CDS2: variants seen among roughly 807,000 people sequenced by gnomAD.
The protein encoded by CDS2 is CDP-diacylglycerol synthase 2.
A neutral mutation model predicts 59.0 loss-of-function variants in CDS2; 47 were observed. That is an observed-to-expected ratio of 0.80 (90% confidence interval 0.63 to 1.02). CDS2 has a LOEUF of 1.02. Among genes scored for constraint, CDS2 ranks in the 50% least tolerant of loss-of-function variants. The pLI is 0.00. For synonymous variants in CDS2, 207 were observed against 206.4 expected, an observed-to-expected ratio of 1.00 and a Z score of -0.02; for missense variants, 356 against 558.9, an observed-to-expected ratio of 0.64 and a Z score of 3.66.
intron 1 of CDS2, among the ~76,000 whole-genome samples, chr20:5,147,997 C>T (rs1043642761): frequency 2.0e-5 from 3 of 152,104 alleles, no homozygotes; most frequent in Non-Finnish European, 2.9e-5. Context: ...CTCACTCTGT[C>T]GGCCAGGCTG....
rs1421523518 is a variant in CDS2 at position 5,190,720 on chromosome 20, C to T, written c.*486C>T. ...CCTGCTTGGAGCTGCAGAAGGGTTGCCTTCTGTAGGTCGGAGGAATGGAGG... is the reference window on the plus strand; with the variant it reads ...CCTGCTTGGAGCTGCAGAAGGGTTGTCTTCTGTAGGTCGGAGGAATGGAGG... On this transcript the variant is annotated 3_prime_UTR_variant, in exon 13 of 13. Transcript: ENST00000460006. 6.6e-6 allele frequency: 1 copy of T among 151,932 alleles called. No individual in the cohort carries two copies. Among genetic ancestry groups the T allele is most frequent in the Non-Finnish European group, 1.5e-5 (1 of 67,992 alleles). 9.4% of individuals were successfully genotyped at this position (151,932 alleles called of 1,614,324 possible).
At chr20:5,188,371 A>G (rs2091086211) in intron 10 of CDS2, among the ~76,000 whole-genome samples, 1 of 152,200 alleles carries the variant, frequency 6.6e-6, no homozygotes, top group Non-Finnish European at 1.5e-5. Context: ...ACCCAAAACC[A>G]TCTGAGGCTA....
At chr20:5,150,214 C>T (rs1364427667) in intron 1 of CDS2, among the ~76,000 whole-genome samples, 1 of 152,186 alleles carries the variant, frequency 6.6e-6, no homozygotes, top group Non-Finnish European at 1.5e-5. Flanking sequence ...TGGCTGGCTG[C>T]TCAGCAGGGC....
At chr20:5,136,985 T>G (rs555410323) in intron 1 of CDS2, among the ~76,000 whole-genome samples, 4 of 152,262 alleles carry the variant, frequency 2.6e-5, no homozygotes, top group African/African-American at 9.6e-5. Context: ...TTCCCCTCTT[T>G]GTGTCCATGT....
At chr20:5,135,638 C>A (rs757774799) in intron 1 of CDS2, among the ~76,000 whole-genome samples, 1 of 152,146 alleles carries the variant, frequency 6.6e-6, no homozygotes, top group Non-Finnish European at 1.5e-5. Flanking sequence ...CCCACCCCCA[C>A]GTATGGTCCC....
At position 5,182,538 on chromosome 20, in the gene CDS2, C is replaced by A. The variant is rs6053180; in HGVS notation, c.588+93C>A. 10 of 1,155,952 alleles carry A rather than the reference C, an allele frequency of 8.7e-6. No individual in the cohort carries two copies. The African/African-American group carries it at 1.2e-4, about 14-fold the overall frequency. 71.6% of individuals were successfully genotyped at this position (1,155,952 alleles called of 1,614,324 possible). On this transcript the variant is annotated intron_variant, in intron 6 of 12. Transcript: ENST00000460006. ...GCCTTTCATGCTTTCTGTGACAAAT[C>A]AAAACTCAGGAACATGGTCTGATAT...
chr20:5,131,324 T>G (rs2090606354), intron 1 of CDS2, among the ~76,000 whole-genome samples: 1 of 152,200 alleles, frequency 6.6e-6, no homozygotes, highest in Non-Finnish European at 1.5e-5. Context: ...CTGGGAACTG[T>G]GCTTATAATT....
intron 2 of CDS2, 111 bp downstream of exon 2, chr20:5,173,770 G>T: frequency 7.9e-7 from 1 of 1,262,174 alleles, no homozygotes; most frequent in Admixed American, 1.9e-5. Context: ...CCGCTGTCTT[G>T]CCTCAGCCTC....
intron 1 of CDS2, among the ~76,000 whole-genome samples, chr20:5,145,244 C>CA (rs1321232479): frequency 1.8e-5 from 2 of 113,222 alleles, no homozygotes; most frequent in African/African-American, 6.5e-5. Context: ...AGACCCCCCC[C>CA]CCCGCCCCCG....
rs2091092238 is a variant in CDS2, at chr20:5,189,051, C to G, written c.982-16C>G. 2.5e-6 allele frequency: 4 copies of G among 1,613,944 alleles called. No individual in the cohort carries two copies. Among genetic ancestry groups the G allele is most frequent in the Non-Finnish European group, 3.4e-6 (4 of 1,179,930 alleles). ...CATGTATGCACCTAAACTTTTACTT[C>G]ATTTACTCTTCTCAGAAAACGGTCC... On this transcript the variant is annotated splice_polypyrimidine_tract_variant and intron_variant, in intron 10 of 12. Coordinates refer to ENST00000460006, the MANE Select transcript of CDS2 (RefSeq NM_003818.4).
At position 5,186,784 on chromosome 20, in the gene CDS2, T is replaced by C; in HGVS notation, c.926T>C (p.Leu309Pro). 6.2e-7 allele frequency: 1 copy of C among 1,614,168 alleles called. No homozygotes were observed. The highest frequency in any genetic ancestry group is 8.5e-7 in the Non-Finnish European group (1 of 1,180,022). The stretch of plus-strand genomic sequence containing the variant: ...ACTGTGGACTGTGAGCCCTCGGACC[T>C]GTTTCGCCTGCAGGAGTACAACATT... ...SFTVDCEPSD[L>P]FRLQEYNIPG... The change falls in exon 10 of 13, where the codon CTG (leucine) becomes CCG (proline). Residue 309 changes from leucine (L) to proline (P), a missense_variant. Leu to Pro is a moderately conservative substitution (Grantham distance 98). Transcript: ENST00000460006.
chr20:5,168,567 A>G (rs921959403), intron 1 of CDS2: 1 of 517,098 alleles, frequency 1.9e-6, no homozygotes, highest in Non-Finnish European at 3.9e-6. Context: ...ACTGACCATC[A>G]CTACTTTGGG....
chr20:5,141,238 TAAG>T (rs1402160878), intron 1 of CDS2, among the ~76,000 whole-genome samples: 1 of 152,266 alleles, frequency 6.6e-6, no homozygotes, highest in African/African-American at 2.4e-5. Flanking sequence ...ACAGGGAGGC[TAAG>T]AAGAATCTGA....
At position 5,194,197 on chromosome 20, in the gene CDS2, A is replaced by C. The variant is rs1037448315; in HGVS notation, c.*3963A>C. 1 of 152,292 alleles carries C rather than the reference A, an allele frequency of 6.6e-6. No homozygotes were observed. The highest frequency in any genetic ancestry group is 2.4e-5 in the African/African-American group (1 of 41,464). 9.4% of individuals were successfully genotyped at this position (152,292 alleles called of 1,614,324 possible). A position where few individuals can be genotyped will look rare whatever the true frequency, so the allele number is the denominator to read the frequency against. ...TCAAAACAAACTTCCTTTTCCCTTG[A>C]TCACCCTGCACGCAGCTGCCCAGCT... On this transcript the variant is annotated 3_prime_UTR_variant, in exon 13 of 13. Coordinates refer to ENST00000460006, the MANE Select transcript of CDS2 (RefSeq NM_003818.4).
chr20:5,176,515 G>A lies in CDS2; in HGVS notation c.292-133G>A, dbSNP rs113825168. On this transcript the variant is annotated intron_variant, in intron 3 of 12. Coordinates refer to ENST00000460006, the MANE Select transcript of CDS2 (RefSeq NM_003818.4). ...GGATGGTATGAGAGAGGAAGAAGGA[G>A]GGAAGCAGAACCACTGGAGGCCCGA... 2,915 of 685,778 alleles carry A rather than the reference G, an allele frequency of 4.3e-3. 42 individuals are homozygous for A. Among genetic ancestry groups the A allele is most frequent in the African/African-American group, 0.032 (1,837 of 57,320 alleles). 42.5% of individuals were successfully genotyped at this position (685,778 alleles called of 1,614,324 possible). A position where few individuals can be genotyped will look rare whatever the true frequency, so the allele number is the denominator to read the frequency against.
chr20:5,185,699 G>T, intron 8 of CDS2, 59 bp from the exon 9 acceptor site: 1 of 1,449,676 alleles, frequency 6.9e-7, no homozygotes, highest in Non-Finnish European at 9.7e-7. Context: ...AGTAATCATT[G>T]TTCGCAAAGC....
At chr20:5,137,490 G>A (rs549668165) in intron 1 of CDS2, among the ~76,000 whole-genome samples, 33 of 150,412 alleles carry the variant, frequency 2.2e-4, no homozygotes, top group African/African-American at 7.5e-4. Flanking sequence ...TGATCTGCCC[G>A]CCTTGGCCTC....
chr20:5,168,524 C>T (rs2090931138), intron 1 of CDS2: 1 of 489,368 alleles, frequency 2.0e-6, no homozygotes. Context: ...TTCTCTCTAG[C>T]CATGGGCACA....
chr20:5,173,945 A>T (rs1312219219), intron 2 of CDS2, among the ~76,000 whole-genome samples: 1 of 152,158 alleles, frequency 6.6e-6, no homozygotes. Context: ...AGGGGACAGG[A>T]GGGATGGAGG....
Sources: gnomAD v4.1 joint callset for allele counts (sites outside exome capture counted in the v4.1 genomes callset) on GRCh38, gnomAD v4.1.1 for gene constraint, MANE v1.5 for transcripts, NCBI Gene and HGNC (gene_info 2026-07-23, HGNC 2026-07-21) for gene names.